OR1J2: variants seen among roughly 807,000 people sequenced by gnomAD.
OR1J2 encodes olfactory receptor family 1 subfamily J member 2, also known as olfactory receptor 1J2.
For synonymous variants in OR1J2, 142 were observed against 99.7 expected, an observed-to-expected ratio of 1.42 and a Z score of -2.52; for missense variants, 304 against 246.1, an observed-to-expected ratio of 1.24 and a Z score of -1.57.
chr9:122,513,526 A>AT (rs11448781), downstream of OR1J2, among the ~76,000 whole-genome samples: 74,056 of 148,444 alleles, frequency 0.5, 19,334 homozygotes, highest in East Asian at 0.86. Context: ...TTTCACAAGC[A>AT]TTTTTTTTTT....
chr9:122,552,798 T>TGTGTGTGTGTGTGTGTG, the OR1J2 span, among the ~76,000 whole-genome samples: 1 of 70,272 alleles, frequency 1.4e-5, no homozygotes, highest in African/African-American at 5.5e-5. Context: ...GTGTGTGTGT[T>TGTGTGTGTGTGTGTGTG]GGAGGAGGGG....
At chr9:122,516,005 C>A (rs1437221567), downstream of OR1J2, among the ~76,000 whole-genome samples, 1 of 152,046 alleles carries the variant, frequency 6.6e-6, no homozygotes, top group Non-Finnish European at 1.5e-5. Flanking sequence ...ATATACGACA[C>A]CTTCTATGGA....
the OR1J2 span, among the ~76,000 whole-genome samples, chr9:122,501,020 A>G: frequency 6.6e-6 from 1 of 152,216 alleles, no homozygotes; most frequent in South Asian, 2.1e-4. Flanking sequence ...AAAGAACACA[A>G]TAAAAATGAT....
At chr9:122,553,642 G>T in the OR1J2 span, 2 of 1,614,090 alleles carry the variant, frequency 1.2e-6, no homozygotes, top group Non-Finnish European at 1.7e-6. Flanking sequence ...CCCCAGCTCT[G>T]TGCACTAATG....
the OR1J2 span, among the ~76,000 whole-genome samples, chr9:122,579,387 C>G: frequency 6.6e-6 from 1 of 151,838 alleles, no homozygotes; most frequent in East Asian, 1.9e-4. Flanking sequence ...AAGGTAATAC[C>G]TATCCCTTGT....
downstream of OR1J2, among the ~76,000 whole-genome samples, chr9:122,512,388 A>G (rs1279007907): frequency 5.3e-5 from 8 of 152,194 alleles, no homozygotes; most frequent in Non-Finnish European, 8.8e-5. Flanking sequence ...TACCACTACA[A>G]ATTATGATTT....
chr9:122,539,269 C>A, the OR1J2 span, among the ~76,000 whole-genome samples: 1 of 151,994 alleles, frequency 6.6e-6, no homozygotes, highest in Non-Finnish European at 1.5e-5. Context: ...CCTTCCCACC[C>A]CCACCCCACA....
the OR1J2 span, among the ~76,000 whole-genome samples, chr9:122,547,538 C>G: frequency 6.6e-6 from 1 of 152,014 alleles, no homozygotes; most frequent in African/African-American, 2.4e-5. Context: ...CTCCCACCTT[C>G]CCATCCTCCT....
At chr9:122,554,315 C>A in the OR1J2 span, 7 of 623,430 alleles carry the variant, frequency 1.1e-5, no homozygotes, top group East Asian at 2.8e-5. Flanking sequence ...GTGTTTCATT[C>A]TTTTATTAGG....
chr9:122,535,407 C>T, the OR1J2 span, among the ~76,000 whole-genome samples: 1 of 152,132 alleles, frequency 6.6e-6, no homozygotes, highest in Non-Finnish European at 1.5e-5. Context: ...GGGAAGGCTG[C>T]CTTCCCTAGT....
chr9:122,558,311 C>CTTTTTTTT, the OR1J2 span, among the ~76,000 whole-genome samples: 8 of 34,472 alleles, frequency 2.3e-4, 1 homozygote, highest in Admixed American at 5.9e-4. Flanking sequence ...TTGGATTTTG[C>CTTTTTTTT]TTTTTTTTTT....
the OR1J2 span, chr9:122,519,300 C>A: frequency 6.2e-7 from 1 of 1,613,984 alleles, no homozygotes; most frequent in Admixed American, 1.7e-5. Flanking sequence ...GCTGGACTCT[C>A]ACCTTCACAC....
At chr9:122,458,708 T>A in the OR1J2 span, among the ~76,000 whole-genome samples, 8 of 152,292 alleles carry the variant, frequency 5.3e-5, no homozygotes, top group East Asian at 1.5e-3. Flanking sequence ...ATGTAGGAAT[T>A]ATGGGAGCTA....
chr9:122,562,224 C>T, the OR1J2 span, among the ~76,000 whole-genome samples: 49 of 152,348 alleles, frequency 3.2e-4, no homozygotes, highest in Non-Finnish European at 5.9e-4. Flanking sequence ...AGATGGCTGC[C>T]GCCCTTCCCC....
chr9:122,470,100 A>C, the OR1J2 span, among the ~76,000 whole-genome samples: 1 of 152,240 alleles, frequency 6.6e-6, no homozygotes, highest in African/African-American at 2.4e-5. Flanking sequence ...TGAGGAGCTG[A>C]ATGTTAATCT....
At chr9:122,553,010 T>G in the OR1J2 span, 1 of 641,886 alleles carries the variant, frequency 1.6e-6, no homozygotes. Flanking sequence ...TTATCTTAAC[T>G]GTTCTCTAAA....
chr9:122,480,551 A>G, the OR1J2 span, among the ~76,000 whole-genome samples: 5 of 122,080 alleles, frequency 4.1e-5, no homozygotes, highest in Non-Finnish European at 6.8e-5. Flanking sequence ...TCACCCAGGT[A>G]TTTCTTTTTT....
the OR1J2 span, among the ~76,000 whole-genome samples, chr9:122,462,593 G>A: frequency 1.3e-5 from 2 of 152,196 alleles, no homozygotes; most frequent in African/African-American, 4.8e-5. Context: ...GCTACTTTTA[G>A]TAGTTCTTGT....
At chr9:122,506,211 A>G (rs1321691950), upstream of OR1J2, among the ~76,000 whole-genome samples, 1 of 152,174 alleles carries the variant, frequency 6.6e-6, no homozygotes, top group Non-Finnish European at 1.5e-5. Context: ...GATTAAGACT[A>G]GAAAAACAGA....
Sources: allele counts gnomAD v4.1 joint callset (sites outside exome capture counted in the v4.1 genomes callset), GRCh38; gene constraint gnomAD v4.1.1; transcripts MANE v1.5; gene names NCBI Gene and HGNC (gene_info 2026-07-23, HGNC 2026-07-21).